The following RBM34 variants were observed in gnomAD, a reference collection of about 807,000 sequenced individuals.
The protein encoded by RBM34 is RNA-binding protein 34.
A neutral mutation model predicts 44.6 loss-of-function variants in RBM34; 39 were observed. That is an observed-to-expected ratio of 0.87 (90% CI 0.68 to 1.14). The LOEUF (loss-of-function observed/expected upper bound fraction) is 1.14. RBM34 is among the 50% of genes most tolerant of loss of function. The probability of loss-of-function intolerance (pLI) is 0.00; values close to 1 mark genes in which losing one functional copy is unlikely to be tolerated. For missense variants in RBM34, 572 were observed against 517.9 expected, an observed-to-expected ratio of 1.10 and a Z score of -1.01; for synonymous variants, 194 against 184.0, an observed-to-expected ratio of 1.05 and a Z score of -0.44.
At chr1:235,132,385 T>C (rs1661246481) in intron 10 of RBM34, among the ~76,000 whole-genome samples, 2 of 152,322 alleles carry the variant, frequency 1.3e-5, no homozygotes, top group South Asian at 4.1e-4. Flanking sequence ...CTCGGCTCAC[T>C]GTGACCTCTA....
intron 2 of RBM34, 33 bp downstream of exon 2, chr1:235,160,860 C>A (rs1448919451): frequency 6.2e-7 from 1 of 1,609,036 alleles, no homozygotes; most frequent in East Asian, 2.2e-5. Flanking sequence ...GTGGTTCTAA[C>A]GAGCTATTCG....
intron 3 of RBM34, among the ~76,000 whole-genome samples, chr1:235,159,926 T>C (rs1037654513): frequency 6.6e-6 from 1 of 151,814 alleles, no homozygotes; most frequent in African/African-American, 2.4e-5. Context: ...GAAATATTTA[T>C]AGATGAAACA....
chr1:235,134,709 A>G (rs1661341234), intron 10 of RBM34, among the ~76,000 whole-genome samples: 1 of 150,880 alleles, frequency 6.6e-6, no homozygotes, highest in South Asian at 2.1e-4. Context: ...GTAGCAATAT[A>G]TTATGGCAGG....
At chr1:235,140,325 C>CG (rs1460634039) in intron 6 of RBM34, among the ~76,000 whole-genome samples, 1 of 152,130 alleles carries the variant, frequency 6.6e-6, no homozygotes, top group Non-Finnish European at 1.5e-5. Flanking sequence ...GCGGCGCTTG[C>CG]GGGCCAGCTG....
chr1:235,146,439 A>T (rs561085291), intron 6 of RBM34, among the ~76,000 whole-genome samples: 2 of 152,304 alleles, frequency 1.3e-5, no homozygotes, highest in African/African-American at 4.8e-5. Flanking sequence ...GAAAAAGGGA[A>T]GGTGTGGAGT....
At chr1:235,155,864 T>TATACAC (rs1553275379) in intron 3 of RBM34, among the ~76,000 whole-genome samples, 4 of 81,156 alleles carry the variant, frequency 4.9e-5, no homozygotes, top group African/African-American at 3.9e-4. Context: ...TATATATATA[T>TATACAC]ATACATATAT....
Position 235,135,782 on chromosome 1 carries a change from T to C in RBM34, c.890-12A>G, listed in dbSNP as rs1448054996. 6.2e-7 allele frequency: 1 copy of C among 1,604,254 alleles called. No homozygotes were observed. The highest frequency in any genetic ancestry group is 1.7e-5 in the Admixed American group (1 of 59,990). On this transcript the variant is annotated splice_polypyrimidine_tract_variant and intron_variant, in intron 9 of 10. Coordinates refer to ENST00000408888, the MANE Select transcript of RBM34 (RefSeq NM_015014.4). ...AGATTCTTCAACTTCTGAAAACAAA[T>C]TCAATCAAAATGGAAGTAAAGAGTT...
chr1:235,160,011 T>C lies in RBM34; in HGVS notation c.365+500A>G, dbSNP rs188069157. 2.4e-3 allele frequency: 495 copies of C among 202,510 alleles called. 1 individual carries two copies. Among genetic ancestry groups the C allele is most frequent in the Non-Finnish European group, 4.0e-3 (381 of 96,220 alleles). The allele number at this position is 202,510 out of a possible 1,614,324, so 12.5% of individuals were successfully genotyped here. ...GCTCACACCTGTAATCTCAACACTT[T>C]CGGAGGCCGAGGTGGGCAGATCGCT... On this transcript the variant is annotated intron_variant, in intron 3 of 10. Transcript: ENST00000408888.
intron 4 of RBM34, among the ~76,000 whole-genome samples, chr1:235,153,379 C>T (rs748037753): frequency 1.5e-4 from 23 of 152,082 alleles, no homozygotes; most frequent in South Asian, 8.3e-4. Context: ...CTTATAACTT[C>T]CATAGATTCT....
Position 235,152,747 on chromosome 1 carries a change from T to C in RBM34, c.616A>G (p.Lys206Glu), listed in dbSNP as rs1662217496. ...ACAGATTCTATTTGTCCATACTCTT[T>C]AAAAAACGACTTCAGCTTCTAAAAT... ...CNKKKLKSFFKEYGQIESVRF... is the reference protein window; with the variant it reads ...CNKKKLKSFFEEYGQIESVRF... Residue 206 changes from lysine to glutamate, a missense_variant, in exon 5 of 11, where the codon AAA becomes GAA. Transcript: ENST00000408888. 6.3e-7 allele frequency: 1 copy of C among 1,585,820 alleles called. No individual in the cohort carries two copies. The highest frequency in any genetic ancestry group is 1.7e-4 in the Middle Eastern group (1 of 5,924).
chr1:235,150,450 T>C (rs986153685), intron 5 of RBM34, among the ~76,000 whole-genome samples: 1 of 152,182 alleles, frequency 6.6e-6, no homozygotes, highest in Non-Finnish European at 1.5e-5. Context: ...GGAAAAAATA[T>C]CACTTAATGA....
Position 235,155,054 on chromosome 1 carries a change from T to C in RBM34, c.424A>G (p.Lys142Glu), listed in dbSNP as rs774582552. The C allele has an allele frequency of 4.3e-6, 7 of 1,614,078 alleles. No homozygotes were observed. The East Asian group carries it at 8.9e-5, about 21-fold the overall frequency. ...ACACCAGGTTGAGAATTTTTCCTTTTCTGCCCTTGTTTCTGGTGAATTTCT... is the reference window on the plus strand; with the variant it reads ...ACACCAGGTTGAGAATTTTTCCTTTCCTGCCCTTGTTTCTGGTGAATTTCT... ...EEEIHQKQGQKRKNSQPGVKV... is the reference protein window; with the variant it reads ...EEEIHQKQGQERKNSQPGVKV... Residue 142 changes from lysine (K) to glutamate (E), a missense_variant, in exon 4 of 11, where the codon AAA becomes GAA. Lys to Glu is a moderately conservative substitution (Grantham distance 56, BLOSUM62 1). Coordinates refer to ENST00000408888, the MANE Select transcript of RBM34 (RefSeq NM_015014.4).
intron 6 of RBM34, among the ~76,000 whole-genome samples, chr1:235,141,066 T>C (rs4326690): frequency 0.01 from 1,548 of 150,848 alleles, 23 homozygotes; most frequent in African/African-American, 0.033. Flanking sequence ...ACAACCTTTA[T>C]GTCTAGCTCA....
intron 10 of RBM34, among the ~76,000 whole-genome samples, chr1:235,133,642 C>T (rs980050683): frequency 6.6e-6 from 1 of 152,046 alleles, no homozygotes; most frequent in Admixed American, 6.6e-5. Flanking sequence ...TCCCCAAATC[C>T]GTGAGTTCAG....
chr1:235,143,763 A>G (rs547088333), intron 6 of RBM34, among the ~76,000 whole-genome samples: 32 of 152,306 alleles, frequency 2.1e-4, no homozygotes, highest in Middle Eastern at 3.4e-3. Context: ...AATACAGTAC[A>G]ATACATCACA....
At chr1:235,138,841 T>C (rs896268990) in intron 6 of RBM34, among the ~76,000 whole-genome samples, 1 of 152,230 alleles carries the variant, frequency 6.6e-6, no homozygotes, top group Non-Finnish European at 1.5e-5. Flanking sequence ...TATCTCTTTA[T>C]CTCTCACTAT....
chr1:235,140,173 C>T (rs932618252), intron 6 of RBM34, among the ~76,000 whole-genome samples: 6 of 152,252 alleles, frequency 3.9e-5, no homozygotes, highest in Non-Finnish European at 8.8e-5. Context: ...TGCCTGGGCT[C>T]CCACTTTGAC....
At chr1:235,153,984 T>A (rs577001523) in intron 4 of RBM34, among the ~76,000 whole-genome samples, 1 of 152,272 alleles carries the variant, frequency 6.6e-6, no homozygotes, top group Admixed American at 6.5e-5. Context: ...CGGTTGCTCA[T>A]GCCTGTAATC....
At chr1:235,139,676 C>T (rs1661591287) in intron 6 of RBM34, among the ~76,000 whole-genome samples, 1 of 152,176 alleles carries the variant, frequency 6.6e-6, no homozygotes, top group African/African-American at 2.4e-5. Context: ...CCTGCTCTTA[C>T]CAGTTAAGAA....
Sources: allele counts gnomAD v4.1 joint callset (sites outside exome capture counted in the v4.1 genomes callset), GRCh38; gene constraint gnomAD v4.1.1; transcripts MANE v1.5; gene names NCBI Gene and HGNC (gene_info 2026-07-23, HGNC 2026-07-21).